The following GPI variants were observed in gnomAD, a reference collection of about 807,000 sequenced individuals.
GPI encodes D-hexose-6-phosphate anomerase.
A neutral mutation model predicts 75.8 loss-of-function variants in GPI; 56 were observed. That is an observed-to-expected ratio of 0.74 (90% CI 0.60 to 0.92). GPI has a LOEUF of 0.92. Ranked by LOEUF, GPI falls within the 40% of genes least tolerant of loss-of-function variation. The pLI is 0.00. For synonymous variants in GPI, 288 were observed against 285.4 expected (o/e 1.01, Z -0.09); for missense variants, 638 against 741.0 (o/e 0.86, Z 1.61).
chr19:34,377,904 G>A (rs752687063), intron 6 of GPI, 23 bp downstream of exon 6: 14 of 1,613,352 alleles, frequency 8.7e-6, no homozygotes, highest in South Asian at 3.3e-5. Flanking sequence ...AAAACTGCCC[G>A]GCCCCTGGCC....
chr19:34,366,347 T>C lies in GPI; in HGVS notation c.125T>C (p.Leu42Ser). The change falls in exon 2 of 18, where the codon TTG becomes TCG. Residue 42 changes from leucine (L) to serine (S), a missense_variant and splice_region_variant. Leu to Ser is a moderately radical substitution (Grantham distance 145). Transcript: ENST00000356487. ...ANKDRFNHFSLTLNTNHGHIL... is the reference protein window; with the variant it reads ...ANKDRFNHFSSTLNTNHGHIL... Reference sequence around the variant, plus strand: ...GCAGCATCTCCATCTTTCTGCAGCTTGACCCTCAACACCAACCATGGGCAT... The same window carrying C: ...GCAGCATCTCCATCTTTCTGCAGCTCGACCCTCAACACCAACCATGGGCAT... 1 of 1,606,342 alleles carries C rather than the reference T, an allele frequency of 6.2e-7. No individual in the cohort carries two copies. Among genetic ancestry groups the C allele is most frequent in the South Asian group, 1.1e-5 (1 of 90,880 alleles).
At chr19:34,367,841 G>A (rs936000697) in intron 3 of GPI, among the ~76,000 whole-genome samples, 3 of 152,200 alleles carry the variant, frequency 2.0e-5, no homozygotes, top group South Asian at 2.1e-4. Context: ...TGCCTAAAAC[G>A]TGCCAGCAAA....
intron 9 of GPI, among the ~76,000 whole-genome samples, chr19:34,387,795 C>A (rs889907581): frequency 2.0e-5 from 3 of 152,172 alleles, no homozygotes; most frequent in Non-Finnish European, 4.4e-5. Context: ...TGGGTTCAAG[C>A]ACAAAAGTAC....
intron 9 of GPI, among the ~76,000 whole-genome samples, chr19:34,389,022 G>GT (rs980778959): frequency 1.3e-5 from 2 of 152,104 alleles, no homozygotes; most frequent in Non-Finnish European, 2.9e-5. Context: ...GAGCCCAGGA[G>GT]TTTGAGGCTG....
chr19:34,386,826 T>C (rs2074742046), intron 9 of GPI, among the ~76,000 whole-genome samples: 1 of 151,950 alleles, frequency 6.6e-6, no homozygotes, highest in Non-Finnish European at 1.5e-5. Flanking sequence ...GCTGACTCAG[T>C]CTTAGGCCTG....
At chr19:34,389,863 T>A (rs1303216172) in intron 9 of GPI, among the ~76,000 whole-genome samples, 6 of 152,218 alleles carry the variant, frequency 3.9e-5, no homozygotes, top group African/African-American at 1.4e-4. Context: ...TCTCCCACAC[T>A]CTGTGTCCGT....
chr19:34,379,849 TCCTAGGCCTTTGTGCCCAGCATCTC>T (rs1434270035), intron 8 of GPI: 3 of 568,674 alleles, frequency 5.3e-6, no homozygotes, highest in Non-Finnish European at 9.5e-6. Context: ...CACATGACCT[TCCTAGGCCTTTGTGCCCAGCATCTC>T]CCCAAATGTG....
At position 34,400,548 on chromosome 19, in the gene GPI, C is replaced by G; in HGVS notation, c.*512C>G. On this transcript the variant is annotated 3_prime_UTR_variant, in exon 18 of 18. Coordinates refer to ENST00000356487, the MANE Select transcript of GPI (RefSeq NM_000175.5). ...TGGCCTGTGTCACCAAATCCCAAGA[C>G]TGTTTTCCACTCCTCACCTCTGTGA... 1 of 459,918 alleles carries G rather than the reference C, an allele frequency of 2.2e-6. No individual in the cohort carries two copies. Among genetic ancestry groups the G allele is most frequent in the Non-Finnish European group, 3.8e-6 (1 of 262,694 alleles). 28.5% of individuals were successfully genotyped at this position (459,918 alleles called of 1,614,324 possible). A position where few individuals can be genotyped will look rare whatever the true frequency, so the allele number is the denominator to read the frequency against.
At chr19:34,371,576 T>G (rs1355838621) in intron 4 of GPI, among the ~76,000 whole-genome samples, 2 of 151,992 alleles carry the variant, frequency 1.3e-5, no homozygotes, top group Non-Finnish European at 2.9e-5. Context: ...TTTGGCTTGG[T>G]GCAGTGGCTC....
At chr19:34,378,706 G>A (rs1396921584) in intron 6 of GPI, among the ~76,000 whole-genome samples, 6 of 152,204 alleles carry the variant, frequency 3.9e-5, no homozygotes, top group South Asian at 2.1e-4. Context: ...GAGAAGCTGC[G>A]GCCTTTGACC....
In GPI at chr19:34,393,464, G is replaced by C. The variant is rs2074896134; in HGVS notation, c.865+156G>C. The C allele has an allele frequency of 3.8e-6, 3 of 784,662 alleles. No homozygotes were observed. The highest frequency in any genetic ancestry group is 6.7e-6 in the Non-Finnish European group (3 of 449,572). The allele number at this position is 784,662 out of a possible 1,614,324, so 48.6% of individuals were successfully genotyped here. A position where few individuals can be genotyped will look rare whatever the true frequency, so the allele number is the denominator to read the frequency against. On this transcript the variant is annotated intron_variant, in intron 10 of 17. Transcript: ENST00000356487. This position sits in a 1 kb window ranked among gnomAD's most constrained non-coding sequence, Gnocchi z 4.4. ...ATATTTATTTCATGTCCAGAAGGAA[G>C]GTCTGGGTTTTTTTGCGTGTGCAAG...
chr19:34,368,824 T>C, intron 4 of GPI, 122 bp downstream of exon 4: 1 of 1,122,992 alleles, frequency 8.9e-7, no homozygotes, highest in East Asian at 2.5e-5. Flanking sequence ...TCACTGCAGC[T>C]TAAGGGAGGG....
intron 4 of GPI, among the ~76,000 whole-genome samples, 165 bp from the exon 5 acceptor site, chr19:34,377,325 AAAAAAAAAAAAAT>A (rs1343500466): frequency 5.2e-5 from 5 of 96,394 alleles, no homozygotes; most frequent in African/African-American, 2.3e-4. Flanking sequence ...AAAAAAAAAA[AAAAAAAAAAAAAT>A]ATATATATAT....
Position 34,390,029 on chromosome 19 carries a change from C to T in GPI, c.805-3219C>T, listed in dbSNP as rs147949537. 2.6e-3 allele frequency among the ~76,000 whole-genome samples: 401 copies of T among 152,228 alleles called. 1 individual carries two copies. Among genetic ancestry groups the T allele is most frequent in the African/African-American group, 9.5e-3 (394 of 41,532 alleles). ...GGCCTAGGTGATAGGCCGAGAAGATCGGTCAAGCCCAGATATGACCCACTG... is the reference window on the plus strand; with the variant it reads ...GGCCTAGGTGATAGGCCGAGAAGATTGGTCAAGCCCAGATATGACCCACTG... On this transcript the variant is annotated intron_variant, in intron 9 of 17. Coordinates refer to ENST00000356487, the MANE Select transcript of GPI (RefSeq NM_000175.5).
chr19:34,367,875 A>T (rs1388571599), intron 3 of GPI, among the ~76,000 whole-genome samples: 2 of 152,214 alleles, frequency 1.3e-5, no homozygotes, highest in Non-Finnish European at 2.9e-5. Context: ...CATTGGGAGG[A>T]TGAGGTTACT....
At chr19:34,364,914 T>C, upstream of GPI, 1 of 1,460,616 alleles carries the variant, frequency 6.8e-7, no homozygotes, top group South Asian at 1.2e-5. Flanking sequence ...GGCGCGATGG[T>C]AGCTCTCTGC....
chr19:34,365,314 G>T lies in GPI; in HGVS notation c.48G>T (p.Trp16Cys). The change falls in exon 1 of 18, where the codon TGG (tryptophan) becomes TGT (cysteine). Residue 16 changes from tryptophan to cysteine, a missense_variant. Trp to Cys is a radical substitution (Grantham distance 215). Transcript: ENST00000356487. The stretch of plus-strand genomic sequence containing the variant: ...CCCAGTTCCAGAAGCTGCAGCAATG[G>T]TACCGCGAGCACCGCTCCGAGCTGA... ...RDPQFQKLQQ[W>C]YREHRSELNL... 6.3e-7 allele frequency: 1 copy of T among 1,588,898 alleles called. No homozygotes were observed. The highest frequency in any genetic ancestry group is 8.5e-7 in the Non-Finnish European group (1 of 1,169,622).
intron 9 of GPI, among the ~76,000 whole-genome samples, chr19:34,391,815 T>C (rs1034802626): frequency 4.9e-4 from 1 of 2,050 alleles, no homozygotes; most frequent in Non-Finnish European, 9.4e-4. Flanking sequence ...GTATTAATTA[T>C]GAGAATCTGG....
intron 9 of GPI, among the ~76,000 whole-genome samples, chr19:34,388,375 T>C (rs1047075932): frequency 9.2e-5 from 14 of 152,118 alleles, no homozygotes; most frequent in African/African-American, 3.4e-4. Flanking sequence ...CTCAGGAGGC[T>C]GAGGCAGGAG....
Sources: gnomAD v4.1 joint callset for allele counts (sites outside exome capture counted in the v4.1 genomes callset) on GRCh38, gnomAD v4.1.1 for gene constraint, Gnocchi (gnomAD v3.1) non-coding constraint, MANE v1.5 for transcripts, NCBI Gene and HGNC (gene_info 2026-07-23, HGNC 2026-07-21) for gene names.